The following SNX29 variants were observed in gnomAD, a reference collection of about 807,000 sequenced individuals.
SNX29 encodes the protein sorting nexin-29.
Under a neutral mutation model 102.1 loss-of-function variants are expected in SNX29, and 78 were observed. The observed-to-expected ratio is 0.76, with a 90% CI of 0.64 to 0.92. SNX29 has a LOEUF of 0.92. Ranked by LOEUF, SNX29 falls within the 40% of genes least tolerant of loss-of-function variation. The pLI, the probability that SNX29 is intolerant of heterozygous loss-of-function variation, is 0.00. For synonymous variants in SNX29, 580 were observed against 414.5 expected, an observed-to-expected ratio of 1.40 and a Z score of -4.85; for missense variants, 1,280 against 1,061.7, an observed-to-expected ratio of 1.21 and a Z score of -2.86.
intron 20 of SNX29, among the ~76,000 whole-genome samples, chr16:12,553,914 G>T (rs1347235328): frequency 6.6e-6 from 1 of 152,202 alleles, no homozygotes; most frequent in Non-Finnish European, 1.5e-5. Flanking sequence ...CATGATCTCC[G>T]CCTCCTGGGT....
chr16:12,150,804 T>G (rs2055267308), intron 13 of SNX29, among the ~76,000 whole-genome samples: 1 of 152,152 alleles, frequency 6.6e-6, no homozygotes, highest in Admixed American at 6.6e-5. Flanking sequence ...GGCTAATTTG[T>G]TTTTGCTCTT....
chr16:12,551,072 C>T (rs1197604743), intron 20 of SNX29, among the ~76,000 whole-genome samples: 4 of 152,142 alleles, frequency 2.6e-5, no homozygotes, highest in African/African-American at 9.7e-5. Flanking sequence ...GTGTTTTCAT[C>T]TCCATGTGAT....
intron 14 of SNX29, among the ~76,000 whole-genome samples, chr16:12,229,249 A>C (rs778414233): frequency 1.1e-4 from 16 of 152,372 alleles, no homozygotes; most frequent in Non-Finnish European, 2.2e-4. Flanking sequence ...ATTGGCCTCC[A>C]TAACTAAAGC....
At chr16:12,546,092 C>T (rs961533367) in intron 20 of SNX29, among the ~76,000 whole-genome samples, 4 of 152,154 alleles carry the variant, frequency 2.6e-5, no homozygotes, top group Non-Finnish European at 5.9e-5. Context: ...TCTCTCACTT[C>T]ACTGTGTGAC....
chr16:12,520,402 C>G (rs1276294916), intron 19 of SNX29, among the ~76,000 whole-genome samples: 1 of 152,180 alleles, frequency 6.6e-6, no homozygotes, highest in East Asian at 1.9e-4. Flanking sequence ...GGGAGGCTGT[C>G]CCTGCTGCCT....
At chr16:12,058,495 G>GTTTTTTTTTTTT (rs1249420541) in intron 8 of SNX29, among the ~76,000 whole-genome samples, 5 of 106,542 alleles carry the variant, frequency 4.7e-5, no homozygotes, top group Non-Finnish European at 9.0e-5. Flanking sequence ...TTGGTTTTTG[G>GTTTTTTTTTTTT]TTTTTTTTTT....
At chr16:12,511,211 C>T (rs2089604152) in intron 19 of SNX29, among the ~76,000 whole-genome samples, 1 of 152,106 alleles carries the variant, frequency 6.6e-6, no homozygotes, top group Non-Finnish European at 1.5e-5. Context: ...TTTAGCAAAG[C>T]CGCAGGTCTC....
At chr16:12,054,457 C>T (rs1051181856) in intron 8 of SNX29, among the ~76,000 whole-genome samples, 6 of 152,240 alleles carry the variant, frequency 3.9e-5, no homozygotes, top group Non-Finnish European at 8.8e-5. Context: ...AAGGCGATAG[C>T]CCTCCCCAGT....
chr16:12,050,430 G>C (rs763700714), intron 7 of SNX29, among the ~76,000 whole-genome samples: 1 of 152,194 alleles, frequency 6.6e-6, no homozygotes, highest in Non-Finnish European at 1.5e-5. Flanking sequence ...TAAAACCACT[G>C]CAGTTCGTTA....
chr16:12,362,224 A>T (rs898733356), intron 16 of SNX29, among the ~76,000 whole-genome samples: 20 of 152,106 alleles, frequency 1.3e-4, no homozygotes, highest in Non-Finnish European at 5.9e-5. Context: ...TTTTGTTTTT[A>T]CAGTAATGTT....
At chr16:12,272,295 G>C (rs527820393) in intron 14 of SNX29, among the ~76,000 whole-genome samples, 6 of 152,182 alleles carry the variant, frequency 3.9e-5, no homozygotes, top group Non-Finnish European at 8.8e-5. Flanking sequence ...AATGAGATGT[G>C]TGGACTTGAA....
chr16:12,291,883 T>C (rs2079808621), intron 15 of SNX29, among the ~76,000 whole-genome samples: 1 of 152,170 alleles, frequency 6.6e-6, no homozygotes, highest in Non-Finnish European at 1.5e-5. Context: ...GATGAGTGAG[T>C]GAAGAGTGAG....
At chr16:12,014,512 C>G (rs574943309) in intron 3 of SNX29, among the ~76,000 whole-genome samples, 18 of 152,048 alleles carry the variant, frequency 1.2e-4, no homozygotes, top group African/African-American at 3.9e-4. Flanking sequence ...GAGCACAGAT[C>G]ACCTGAGGTC....
intron 18 of SNX29, among the ~76,000 whole-genome samples, chr16:12,445,082 C>A (rs1597400384): frequency 6.6e-6 from 1 of 152,060 alleles, no homozygotes; most frequent in Admixed American, 6.5e-5. Flanking sequence ...AACTCCTGAC[C>A]TGAAGTGATC....
At chr16:12,478,535 A>G (rs1422005974) in intron 19 of SNX29, among the ~76,000 whole-genome samples, 1 of 152,186 alleles carries the variant, frequency 6.6e-6, no homozygotes, top group East Asian at 1.9e-4. Context: ...TGGTTGATTA[A>G]TATTATTCAC....
intron 20 of SNX29, among the ~76,000 whole-genome samples, chr16:12,527,789 G>C (rs1285453345): frequency 6.6e-6 from 1 of 151,692 alleles, no homozygotes; most frequent in Admixed American, 6.6e-5. Flanking sequence ...AGCCAGTATA[G>C]TGGGGTTTTG....
chr16:12,554,294 A>T (rs143107930), intron 20 of SNX29, among the ~76,000 whole-genome samples: 2 of 152,320 alleles, frequency 1.3e-5, no homozygotes, highest in East Asian at 3.9e-4. Context: ...TGCTTGCTTC[A>T]TATGAGGTTT....
intron 11 of SNX29, among the ~76,000 whole-genome samples, chr16:12,080,493 G>C (rs2051810843): frequency 1.3e-5 from 2 of 152,066 alleles, no homozygotes; most frequent in African/African-American, 4.8e-5. Flanking sequence ...TCAATCTTTT[G>C]TTTACCACAG....
intron 19 of SNX29, chr16:12,515,656 C>T (rs901963744): frequency 2.1e-6 from 1 of 482,570 alleles, no homozygotes; most frequent in Non-Finnish European, 4.1e-6. Context: ...CCAAGTCCAT[C>T]TCTGTGCCAG....
Sources: gnomAD v4.1 joint callset for allele counts (sites outside exome capture counted in the v4.1 genomes callset) on GRCh38, gnomAD v4.1.1 for gene constraint, MANE v1.5 for transcripts, NCBI Gene and HGNC (gene_info 2026-07-23, HGNC 2026-07-21) for gene names.